Variants in KIF14 observed in about 807,000 individuals in gnomAD.
The protein encoded by KIF14 is kinesin-like protein KIF14.
A neutral mutation model predicts 176.2 loss-of-function variants in KIF14; 98 were observed. The ratio of observed to expected loss-of-function variants is 0.56; its 90% CI spans 0.47 to 0.66. The LOEUF (loss-of-function observed/expected upper bound fraction) is 0.66. Ranked by LOEUF, KIF14 falls within the 30% of genes least tolerant of loss-of-function variation. The probability of loss-of-function intolerance (pLI) is 0.00; values close to 1 mark genes in which losing one functional copy is unlikely to be tolerated. For missense variants in KIF14, 1,751 were observed against 1,920.4 expected (o/e 0.91, Z 1.65); for synonymous variants, 566 against 632.2 (o/e 0.90, Z 1.57).
chr1:200,581,115 G>GGAAA, intron 20 of KIF14, 86 bp downstream of exon 20: 2 of 287,966 alleles, frequency 6.9e-6, no homozygotes, highest in South Asian at 3.9e-5. Context: ...CTCTGTCTCA[G>GGAAA]AAAAAAAAAA....
At chr1:200,612,749 G>A (rs569726655) in intron 4 of KIF14, among the ~76,000 whole-genome samples, 1 of 151,986 alleles carries the variant, frequency 6.6e-6, no homozygotes, top group African/African-American at 2.4e-5. Context: ...TATCTAATCT[G>A]GTTGTCCAAC....
intron 10 of KIF14, among the ~76,000 whole-genome samples, 190 bp from the exon 11 acceptor site, chr1:200,602,258 T>C (rs998713170): frequency 7.2e-5 from 11 of 152,174 alleles, no homozygotes; most frequent in African/African-American, 2.7e-4. Flanking sequence ...CTCTTACACT[T>C]TTTATATTGT....
chr1:200,562,078 C>T (rs1043232281), intron 25 of KIF14, among the ~76,000 whole-genome samples: 1 of 152,188 alleles, frequency 6.6e-6, no homozygotes, highest in Non-Finnish European at 1.5e-5. Flanking sequence ...AATATTTCTC[C>T]TGGCCTGCTT....
intron 13 of KIF14, among the ~76,000 whole-genome samples, chr1:200,599,487 T>A (rs555673758): frequency 6.6e-6 from 1 of 152,362 alleles, no homozygotes; most frequent in Non-Finnish European, 1.5e-5. Context: ...GAGATTGGAT[T>A]GGCCATGCGC....
In KIF14 at chr1:200,570,209, ATAAG is replaced by A. The variant is rs986668078; in HGVS notation, c.3567-208_3567-205del. Among the ~76,000 whole-genome samples, 55 of 152,358 alleles carry A rather than the reference ATAAG, an allele frequency of 3.6e-4. 1 individual carries two copies. Among genetic ancestry groups the A allele is most frequent in the African/African-American group, 1.3e-3 (53 of 41,598 alleles). On this transcript the variant is annotated intron_variant, in intron 22 of 29. Coordinates refer to ENST00000367350, the MANE Select transcript of KIF14 (RefSeq NM_014875.3). ...CTGTTCTAGGCAGATAGTTAATTAA[ATAAG>A]TATTGATTAAGCACTACTATTTGCA... is the stretch of plus-strand genomic sequence containing the variant.
rs566817769 is a variant in KIF14 at position 200,615,719 on chromosome 1, G to C, written c.1113-110C>G. The C allele has an allele frequency of 5.2e-6, 5 of 953,386 alleles. No homozygotes were observed. In the South Asian group the frequency reaches 5.5e-5, roughly 11 times the overall value. The allele number at this position is 953,386 out of a possible 1,614,324, so 59.1% of individuals were successfully genotyped here. A position where few individuals can be genotyped will look rare whatever the true frequency, so the allele number is the denominator to read the frequency against. ...CTATTTAAACAATCTTCCAAGGCAA[G>C]ATAATTCTGTAGTTTTATGTGGAAA... On this transcript the variant is annotated intron_variant, in intron 2 of 29. Coordinates refer to ENST00000367350, the MANE Select transcript of KIF14 (RefSeq NM_014875.3).
chr1:200,570,050 GAAT>G, intron 22 of KIF14, 45 bp from the exon 23 acceptor site: 1 of 846,906 alleles, frequency 1.2e-6, no homozygotes, highest in Non-Finnish European at 1.9e-6. Context: ...ATACCACATG[GAAT>G]AATATTATTA....
intron 19 of KIF14, among the ~76,000 whole-genome samples, chr1:200,585,231 C>A (rs991516732): frequency 6.8e-6 from 1 of 146,890 alleles, no homozygotes. Flanking sequence ...TCCTAAGTGT[C>A]CTCATGACAA....
rs939415426 is a variant in KIF14, at chr1:200,596,891, T to C, written c.2549+1346A>G. On this transcript the variant is annotated intron_variant, in intron 14 of 29. Transcript: ENST00000367350. Reference sequence around the variant, plus strand: ...AACACTCTATCTCTCTCTCTCTCTTTTTTTTTTTTTTTTTTTTTTTTTGAG... The same window carrying C: ...AACACTCTATCTCTCTCTCTCTCTTCTTTTTTTTTTTTTTTTTTTTTTGAG... Among the ~76,000 whole-genome samples, 1,193 of 132,202 alleles carry C rather than the reference T, an allele frequency of 9.0e-3. 2 individuals are homozygous for C. The highest frequency in any genetic ancestry group is 0.021 in the African/African-American group (701 of 33,640). 86.7% of individuals were successfully genotyped at this position (132,202 alleles called of 152,430 possible). A position where few individuals can be genotyped will look rare whatever the true frequency, so the allele number is the denominator to read the frequency against.
At position 200,600,361 on chromosome 1, in the gene KIF14, C is replaced by T. The variant is rs1558080570; in HGVS notation, c.2295G>A (p.Met765Ile). Residue 765 changes from methionine (M) to isoleucine (I), a missense_variant, in exon 12 of 30, where the codon ATG (methionine) becomes ATA (isoleucine). Transcript: ENST00000367350. Reference sequence around the variant, plus strand: ...GAGTACTGACTGTACTCTACCTTTGCATTTCTGCCATGTCTCTCTCCTGTT... The same window carrying T: ...GAGTACTGACTGTACTCTACCTTTGTATTTCTGCCATGTCTCTCTCCTGTT... ...LHQQERDMAE[M>I]QRVWKEKFEQ... The T allele has an allele frequency of 1.2e-6, 2 of 1,613,642 alleles. No homozygotes were observed. The highest frequency in any genetic ancestry group is 1.7e-6 in the Non-Finnish European group (2 of 1,179,632).
In KIF14 at chr1:200,602,741, T is replaced by C. The variant is rs543165220; in HGVS notation, c.1979+485A>G. On this transcript the variant is annotated intron_variant, in intron 10 of 29. Transcript: ENST00000367350. Reference sequence around the variant, plus strand: ...TAATCTGAATGTAACATATTGAAAATTAAATATACATTCACTAATGAAAAC... The same window carrying C: ...TAATCTGAATGTAACATATTGAAAACTAAATATACATTCACTAATGAAAAC... Among the ~76,000 whole-genome samples the C allele has an allele frequency of 2.0e-5, 3 of 152,294 alleles. No homozygotes were observed. In the South Asian group the frequency reaches 6.2e-4, roughly 32 times the overall value.
Position 200,595,426 on chromosome 1 carries a change from T to A in KIF14, c.2550-1657A>T, listed in dbSNP as rs560595019. Among the ~76,000 whole-genome samples, 4 of 152,272 alleles carry A rather than the reference T, an allele frequency of 2.6e-5. No individual in the cohort carries two copies. The South Asian group carries it at 8.3e-4, about 32-fold the overall frequency. On this transcript the variant is annotated intron_variant, in intron 14 of 29. Transcript: ENST00000367350. ...GACATGAAATCAGCTTTCATAAAGT[T>A]CATGGTCTAGTGAACAAGATAAACT... is the stretch of plus-strand genomic sequence containing the variant.
rs1656639254 is a variant in KIF14, at chr1:200,553,202, C to G, written c.*186G>C. 7.7e-6 allele frequency: 4 copies of G among 519,386 alleles called. No individual in the cohort carries two copies. The highest frequency in any genetic ancestry group is 9.3e-6 in the Non-Finnish European group (3 of 321,668). 32.2% of individuals were successfully genotyped at this position (519,386 alleles called of 1,614,324 possible). A position where few individuals can be genotyped will look rare whatever the true frequency, so the allele number is the denominator to read the frequency against. Reference sequence around the variant, plus strand: ...TGTGATCTGCCCGCCTCCCAAAGTGCTGGGATTACAGGCGTGAGCCACTGT... The same window carrying G: ...TGTGATCTGCCCGCCTCCCAAAGTGGTGGGATTACAGGCGTGAGCCACTGT... On this transcript the variant is annotated 3_prime_UTR_variant, in exon 30 of 30. Coordinates refer to ENST00000367350, the MANE Select transcript of KIF14 (RefSeq NM_014875.3).
intron 5 of KIF14, 32 bp from the exon 6 acceptor site, chr1:200,606,830 G>GT: frequency 6.5e-7 from 1 of 1,526,882 alleles, no homozygotes; most frequent in Non-Finnish European, 9.1e-7. Flanking sequence ...ATCATTAGGA[G>GT]TATGACAAAT....
At position 200,565,096 on chromosome 1, in the gene KIF14, C is replaced by T. The variant is rs1426386513; in HGVS notation, c.4044G>A (p.Leu1348=). 6.2e-7 allele frequency: 1 copy of T among 1,610,394 alleles called. No homozygotes were observed. Among genetic ancestry groups the T allele is most frequent in the Non-Finnish European group, 8.5e-7 (1 of 1,178,840 alleles). ...EDELRQEVKK[L]GGYLQLFLQG... is the part of the protein sequence containing the mutation. ...GCAAAAATAACTGTAAGTAGCCTCC[C>T]AGTTTTTTAACTTCTTGTCTCAACT... is the stretch of plus-strand genomic sequence containing the variant. Residue 1348 remains leucine, a synonymous_variant, in exon 25 of 30, where the codon CTG becomes CTA. Coordinates refer to ENST00000367350, the MANE Select transcript of KIF14 (RefSeq NM_014875.3).
In KIF14 at chr1:200,553,248, A is replaced by G. The variant is rs1229003211; in HGVS notation, c.*140T>C. 1 of 910,726 alleles carries G rather than the reference A, an allele frequency of 1.1e-6. No homozygotes were observed. The highest frequency in any genetic ancestry group is 2.6e-5 in the East Asian group (1 of 37,972). The allele number at this position is 910,726 out of a possible 1,614,324, so 56.4% of individuals were successfully genotyped here. A position where few individuals can be genotyped will look rare whatever the true frequency, so the allele number is the denominator to read the frequency against. On this transcript the variant is annotated 3_prime_UTR_variant, in exon 30 of 30. Coordinates refer to ENST00000367350, the MANE Select transcript of KIF14 (RefSeq NM_014875.3). ...ACTGTGTCTGGCCTTTGATAAATAGATATTTTAAAGATAAAAAGACATGGA... is the reference window on the plus strand; with the variant it reads ...ACTGTGTCTGGCCTTTGATAAATAGGTATTTTAAAGATAAAAAGACATGGA...
chr1:200,555,091 T>G (rs1470800794), intron 28 of KIF14, among the ~76,000 whole-genome samples: 3 of 152,170 alleles, frequency 2.0e-5, no homozygotes, highest in Admixed American at 6.5e-5. Flanking sequence ...AAACACAATT[T>G]TTTAGCCTAT....
intron 21 of KIF14, among the ~76,000 whole-genome samples, chr1:200,577,585 A>G (rs1658191262): frequency 6.6e-6 from 1 of 151,902 alleles, no homozygotes; most frequent in South Asian, 2.1e-4. Context: ...TCACAAGGTC[A>G]GGAGATTGAG....
intron 22 of KIF14, 35 bp from the exon 23 acceptor site, chr1:200,570,040 A>G (rs751832705): frequency 3.4e-5 from 34 of 987,572 alleles, no homozygotes; most frequent in Non-Finnish European, 4.8e-5. Flanking sequence ...TAGCAGTTCT[A>G]TACCACATGG....
Sources: gnomAD v4.1 joint callset for allele counts (sites outside exome capture counted in the v4.1 genomes callset) on GRCh38, gnomAD v4.1.1 for gene constraint, MANE v1.5 for transcripts, NCBI Gene and HGNC (gene_info 2026-07-23, HGNC 2026-07-21) for gene names.